ERBB4: variants seen among roughly 807,000 people sequenced by gnomAD.
ERBB4 encodes the protein receptor tyrosine-protein kinase erbB-4.
ERBB4 carries 42 observed loss-of-function variants against 158.0 expected under a neutral mutation model. The observed-to-expected ratio is 0.27, with a 90% CI of 0.21 to 0.34. ERBB4 has a LOEUF of 0.34. Among genes scored for constraint, ERBB4 ranks in the 10% least tolerant of loss-of-function variants. The pLI, the probability that ERBB4 is intolerant of heterozygous loss-of-function variation, is 1.00. For synonymous variants in ERBB4, 583 were observed against 558.7 expected, an observed-to-expected ratio of 1.04 and a Z score of -0.61; for missense variants, 1,333 against 1,624.1, an observed-to-expected ratio of 0.82 and a Z score of 3.08.
intron 8 of ERBB4, among the ~76,000 whole-genome samples, chr2:211,713,081 C>A (rs949316006): frequency 6.6e-6 from 1 of 152,094 alleles, no homozygotes; most frequent in Non-Finnish European, 1.5e-5. Context: ...CTTGTCATTT[C>A]ATAGATCTCA....
intron 2 of ERBB4, among the ~76,000 whole-genome samples, chr2:212,044,511 T>C (rs549111462): frequency 2.6e-5 from 4 of 152,296 alleles, no homozygotes; most frequent in African/African-American, 7.2e-5. Flanking sequence ...TGAATTATTA[T>C]AACTAATGGT....
chr2:211,748,937 A>T (rs868045842), intron 5 of ERBB4, among the ~76,000 whole-genome samples: 1 of 152,220 alleles, frequency 6.6e-6, no homozygotes, highest in African/African-American at 2.4e-5. Flanking sequence ...TTAGCCTCCA[A>T]TTCTTTGCTA....
At position 212,370,996 on chromosome 2, in the gene ERBB4, A is replaced by T. The variant is rs534061583; in HGVS notation, c.82+167453T>A. On this transcript the variant is annotated intron_variant, in intron 1 of 27. Transcript: ENST00000342788. ...CTCACTGTTGATGTAAAAAGCTATT[A>T]TTTGAAGAATCTCAAGATGACTAAC... 2.0e-5 allele frequency among the ~76,000 whole-genome samples: 3 copies of T among 152,300 alleles called. No homozygotes were observed. In the South Asian group the frequency reaches 6.2e-4, roughly 32 times the overall value.
chr2:212,342,085 C>G (rs1453626700), intron 1 of ERBB4, among the ~76,000 whole-genome samples: 1 of 152,122 alleles, frequency 6.6e-6, no homozygotes, highest in Admixed American at 6.5e-5. Context: ...ATAGGGAGAT[C>G]TCATCTCTAC....
At chr2:212,283,717 C>G (rs1005092975) in intron 1 of ERBB4, among the ~76,000 whole-genome samples, 2 of 151,942 alleles carry the variant, frequency 1.3e-5, no homozygotes, top group African/African-American at 4.8e-5. Flanking sequence ...TTTATTTCAT[C>G]AAAATGGTTT....
rs146380748 is a variant in ERBB4, at chr2:212,257,448, T to C, written c.83-132545A>G. ...AATCAGCAAACTAACTCTTTTGTTA[T>C]CTAGTACTTCACTTATTTAATATTC... On this transcript the variant is annotated intron_variant, in intron 1 of 27. Transcript: ENST00000342788. 4.5e-4 allele frequency among the ~76,000 whole-genome samples: 68 copies of C among 152,276 alleles called. 1 individual carries two copies. Among genetic ancestry groups the C allele is most frequent in the Admixed American group, 9.2e-4 (14 of 15,284 alleles).
chr2:211,894,556 T>G (rs1440055827), intron 3 of ERBB4, among the ~76,000 whole-genome samples: 7 of 151,792 alleles, frequency 4.6e-5, no homozygotes, highest in African/African-American at 1.7e-4. Flanking sequence ...AAACTTAAAG[T>G]ATAATAAAAA....
intron 20 of ERBB4, among the ~76,000 whole-genome samples, chr2:211,482,125 G>T (rs1390697362): frequency 6.6e-6 from 1 of 152,168 alleles, no homozygotes; most frequent in Admixed American, 6.5e-5. Flanking sequence ...ACATAGAATA[G>T]GGAACTGTAT....
At chr2:212,414,476 CT>C (rs1247497603) in intron 1 of ERBB4, among the ~76,000 whole-genome samples, 1 of 152,142 alleles carries the variant, frequency 6.6e-6, no homozygotes, top group African/African-American at 2.4e-5. Flanking sequence ...TTCTGAAATG[CT>C]GTAATAACTT....
chr2:212,078,936 C>T (rs1381275270), intron 2 of ERBB4, among the ~76,000 whole-genome samples: 2 of 150,858 alleles, frequency 1.3e-5, no homozygotes, highest in African/African-American at 2.4e-5. Context: ...TCATAATATA[C>T]ATACTTTTTA....
intron 1 of ERBB4, among the ~76,000 whole-genome samples, chr2:212,507,658 A>G (rs1391062938): frequency 1.3e-5 from 2 of 152,228 alleles, no homozygotes; most frequent in Non-Finnish European, 2.9e-5. Flanking sequence ...AACTAGATAT[A>G]GAGCCTAAAT....
intron 2 of ERBB4, among the ~76,000 whole-genome samples, chr2:212,013,359 C>T (rs1194813608): frequency 6.6e-6 from 1 of 152,174 alleles, no homozygotes; most frequent in East Asian, 1.9e-4. Context: ...TCCAGAAATA[C>T]AGACTTGAAA....
At chr2:211,899,701 C>T (rs2079184433) in intron 3 of ERBB4, among the ~76,000 whole-genome samples, 1 of 152,020 alleles carries the variant, frequency 6.6e-6, no homozygotes, top group South Asian at 2.1e-4. Context: ...TTCTAGTTTG[C>T]CCATATAATT....
chr2:212,401,825 G>A (rs1233309856), intron 1 of ERBB4, among the ~76,000 whole-genome samples: 3 of 151,864 alleles, frequency 2.0e-5, no homozygotes, highest in African/African-American at 7.3e-5. Context: ...TGAAAACTCG[G>A]GATGCCATTA....
intron 2 of ERBB4, among the ~76,000 whole-genome samples, chr2:212,065,176 T>C (rs997963277): frequency 6.6e-6 from 1 of 152,078 alleles, no homozygotes; most frequent in African/African-American, 2.4e-5. Context: ...CATTTATTTG[T>C]TGAATATATT....
chr2:212,308,247 A>G (rs2086887976), intron 1 of ERBB4, among the ~76,000 whole-genome samples: 1 of 151,148 alleles, frequency 6.6e-6, no homozygotes, highest in Admixed American at 6.6e-5. Context: ...ATTTTTCTGA[A>G]TATTACCAGC....
At chr2:211,462,858 G>A (rs1022587584) in intron 20 of ERBB4, among the ~76,000 whole-genome samples, 1 of 152,080 alleles carries the variant, frequency 6.6e-6, no homozygotes. Flanking sequence ...CAATGTTTTT[G>A]TTTCTCTTCA....
chr2:212,460,987 T>G (rs1326471004), intron 1 of ERBB4, among the ~76,000 whole-genome samples: 2 of 152,262 alleles, frequency 1.3e-5, no homozygotes, highest in Middle Eastern at 3.4e-3. Context: ...GCATTTCAGC[T>G]GCTACAATCA....
intron 1 of ERBB4, among the ~76,000 whole-genome samples, chr2:212,266,853 A>G (rs1043848453): frequency 6.6e-6 from 1 of 152,000 alleles, no homozygotes; most frequent in Non-Finnish European, 1.5e-5. Context: ...AACAAATTAA[A>G]TGAGAAGTTC....
Sources: gnomAD v4.1 joint callset for allele counts (sites outside exome capture counted in the v4.1 genomes callset) on GRCh38, gnomAD v4.1.1 for gene constraint, MANE v1.5 for transcripts, NCBI Gene and HGNC (gene_info 2026-07-23, HGNC 2026-07-21) for gene names.